Variants in WFDC8 observed in about 807,000 individuals in gnomAD.
WFDC8 encodes the protein WAP four-disulfide core domain 8.
A neutral mutation model predicts 27.0 loss-of-function variants in WFDC8; 24 were observed. The observed-to-expected ratio is 0.89, with a 90% CI of 0.64 to 1.25. The LOEUF (loss-of-function observed/expected upper bound fraction) is 1.25. WFDC8 is among the 50% of genes most tolerant of loss of function. WFDC8 has a pLI of 0.00. For synonymous variants in WFDC8, 106 were observed against 99.7 expected (o/e 1.06, Z -0.38); for missense variants, 287 against 295.9 (o/e 0.97, Z 0.22).
rs1180137620 is a variant in WFDC8 at position 45,551,835 on chromosome 20, C to A, written c.*191G>T. ...ATACAAGAAGACAAGAAAATAAAGT[C>A]ATGAAGTTGAAAAAAAGCCAAATAT... On this transcript the variant is annotated 3_prime_UTR_variant, in exon 6 of 6. Transcript: ENST00000289953. 1.0e-5 allele frequency: 6 copies of A among 587,240 alleles called. No homozygotes were observed. The highest frequency in any genetic ancestry group is 1.7e-5 in the Non-Finnish European group (6 of 349,464). 36.4% of individuals were successfully genotyped at this position (587,240 alleles called of 1,614,324 possible).
intron 4 of WFDC8, among the ~76,000 whole-genome samples, chr20:45,554,922 G>A (rs981140851): frequency 6.6e-6 from 1 of 152,200 alleles, no homozygotes; most frequent in African/African-American, 2.4e-5. Context: ...AGAATCTGAG[G>A]TCGAAATTGC....
In WFDC8 at chr20:45,551,988, A is replaced by G; in HGVS notation, c.*38T>C. 1.1e-5 allele frequency: 17 copies of G among 1,608,868 alleles called. No individual in the cohort carries two copies. Among genetic ancestry groups the G allele is most frequent in the Non-Finnish European group, 1.4e-5 (17 of 1,176,872 alleles). Reference sequence around the variant, plus strand: ...GACAGCTCTTTATCATGCTACTCATAATTAATGATTTTGATGATAATATTT... The same window carrying G: ...GACAGCTCTTTATCATGCTACTCATGATTAATGATTTTGATGATAATATTT... On this transcript the variant is annotated 3_prime_UTR_variant, in exon 6 of 6. Coordinates refer to ENST00000289953, the MANE Select transcript of WFDC8 (RefSeq NM_130896.3).
At chr20:45,561,340 C>T (rs921856987) in intron 2 of WFDC8, among the ~76,000 whole-genome samples, 2 of 152,164 alleles carry the variant, frequency 1.3e-5, no homozygotes, top group African/African-American at 2.4e-5. Flanking sequence ...ACTTTTATTT[C>T]GACCTGCCTG....
intron 1 of WFDC8, among the ~76,000 whole-genome samples, chr20:45,574,182 T>C (rs1467009749): frequency 2.0e-5 from 3 of 152,144 alleles, no homozygotes; most frequent in Admixed American, 1.3e-4. Flanking sequence ...AAAAACTAAA[T>C]AGATCAACAA....
In WFDC8 at chr20:45,555,840, TCCATG is replaced by T. The variant is rs1451140628; in HGVS notation, c.301_305del (p.His101LysfsTer3). On this transcript the variant is annotated frameshift_variant, in exon 4 of 6. Coordinates refer to ENST00000289953, the MANE Select transcript of WFDC8 (RefSeq NM_130896.3). LOFTEE classifies it high-confidence loss of function. ...AGCGCTGTGCCTCATGATTACAGTT[TCCATG>T]CCTCACAGGTAGCATGCAGGGTTCT... is the stretch of plus-strand genomic sequence containing the variant. 6.2e-7 allele frequency: 1 copy of T among 1,613,864 alleles called. No individual in the cohort carries two copies. The highest frequency in any genetic ancestry group is 1.3e-5 in the African/African-American group (1 of 74,886).
In WFDC8 at chr20:45,562,090, T is replaced by A; in HGVS notation, c.136+20A>T. The A allele has an allele frequency of 1.2e-6, 2 of 1,607,982 alleles. No individual in the cohort carries two copies. The highest frequency in any genetic ancestry group is 1.7e-6 in the Non-Finnish European group (2 of 1,174,604). On this transcript the variant is annotated intron_variant, in intron 2 of 5. Transcript: ENST00000289953. Reference sequence around the variant, plus strand: ...ATAATGCTTTCTAAGGAAGAATGGCTGCAGCTTTTTTGAACTCACGTTTGA... The same window carrying A: ...ATAATGCTTTCTAAGGAAGAATGGCAGCAGCTTTTTTGAACTCACGTTTGA...
At chr20:45,566,681 A>C (rs1365179588) in intron 1 of WFDC8, among the ~76,000 whole-genome samples, 1 of 152,196 alleles carries the variant, frequency 6.6e-6, no homozygotes, top group Non-Finnish European at 1.5e-5. Flanking sequence ...AAAACAAAAA[A>C]TAATAAAATA....
intron 1 of WFDC8, among the ~76,000 whole-genome samples, chr20:45,564,719 G>A (rs1980590751): frequency 1.3e-5 from 2 of 151,252 alleles, no homozygotes; most frequent in South Asian, 4.2e-4. Flanking sequence ...GCGCACACCT[G>A]TGGTTCTAGC....
intron 1 of WFDC8, among the ~76,000 whole-genome samples, chr20:45,564,608 A>C (rs903570569): frequency 6.6e-6 from 1 of 150,708 alleles, no homozygotes. Flanking sequence ...CGGGAGGCAG[A>C]GCTTTCAGTG....
intron 1 of WFDC8, among the ~76,000 whole-genome samples, chr20:45,572,821 G>T (rs975563190): frequency 1.3e-5 from 2 of 152,174 alleles, no homozygotes; most frequent in Non-Finnish European, 1.5e-5. Context: ...TGGCCAGGCT[G>T]GTCTTGAACT....
At chr20:45,562,042 C>T in intron 2 of WFDC8, 68 bp downstream of exon 2, 1 of 1,452,182 alleles carries the variant, frequency 6.9e-7, no homozygotes, top group Non-Finnish European at 9.5e-7. Context: ...TGGCACTGGC[C>T]TCATGTCTAA....
intron 4 of WFDC8, among the ~76,000 whole-genome samples, chr20:45,553,937 A>C (rs1242545855): frequency 6.6e-6 from 1 of 152,168 alleles, no homozygotes; most frequent in East Asian, 1.9e-4. Flanking sequence ...AGAAGCATGG[A>C]TAGAACCGGT....
At chr20:45,572,101 T>C (rs1418010888) in intron 1 of WFDC8, among the ~76,000 whole-genome samples, 3 of 152,120 alleles carry the variant, frequency 2.0e-5, no homozygotes, top group Non-Finnish European at 4.4e-5. Flanking sequence ...ACCAACAGTG[T>C]TCAAGAATTC....
intron 3 of WFDC8, 47 bp downstream of exon 3, chr20:45,558,805 C>T: frequency 6.2e-7 from 1 of 1,609,674 alleles, no homozygotes; most frequent in Non-Finnish European, 8.5e-7. Flanking sequence ...CAGTTTTGGA[C>T]AGAGCAAGAA....
In WFDC8 at chr20:45,578,488, C is replaced by G. The variant is rs1003490027; in HGVS notation, c.26+734G>C. ...AGAAGCAGCCTCTATGTGGATTAGG[C>G]CCCTTCTCCTGGCAGAGAGAAAGCA... On this transcript the variant is annotated intron_variant, in intron 1 of 5. Transcript: ENST00000289953. Among the ~76,000 whole-genome samples, 5 of 151,312 alleles carry G rather than the reference C, an allele frequency of 3.3e-5. 1 individual carries two copies. Among genetic ancestry groups the G allele is most frequent in the African/African-American group, 1.2e-4 (5 of 41,342 alleles).
At chr20:45,568,690 C>A (rs6104230) in intron 1 of WFDC8, 2 of 531,954 alleles carry the variant, frequency 3.8e-6, no homozygotes, top group South Asian at 1.4e-5. Context: ...CCACAAAAGT[C>A]ACCACTGCCA....
chr20:45,557,481 G>A (rs978270190), intron 3 of WFDC8, among the ~76,000 whole-genome samples: 8 of 152,046 alleles, frequency 5.3e-5, no homozygotes, highest in South Asian at 2.1e-4. Flanking sequence ...CACCCAGGCC[G>A]CAGTGCAATG....
At position 45,552,130 on chromosome 20, in the gene WFDC8, A is replaced by G; in HGVS notation, c.622T>C (p.Cys208Arg). 1 of 1,614,156 alleles carries G rather than the reference A, an allele frequency of 6.2e-7. No individual in the cohort carries two copies. The highest frequency in any genetic ancestry group is 8.5e-7 in the Non-Finnish European group (1 of 1,179,968). The change falls in exon 6 of 6, where the codon TGT (cysteine) becomes CGT (arginine). Residue 208 changes from cysteine to arginine, a missense_variant. By Grantham distance (180) the Cys-to-Arg change is radical (BLOSUM62 -3). Transcript: ENST00000289953. Reference sequence around the variant, plus strand: ...CACTTGGGTTTATCAATCTTGGTACATAGCAAGGGCTTGCGTGGGCAGAAA... The same window carrying G: ...CACTTGGGTTTATCAATCTTGGTACGTAGCAAGGGCTTGCGTGGGCAGAAA... ...KGFCPRKPLL[C>R]TKIDKPKCLQ...
At chr20:45,564,185 G>T (rs1186297789) in intron 1 of WFDC8, among the ~76,000 whole-genome samples, 6 of 152,144 alleles carry the variant, frequency 3.9e-5, no homozygotes, top group Non-Finnish European at 2.9e-5. Context: ...TGCTCAGTGG[G>T]GGCTCTGAAG....
Sources: allele counts gnomAD v4.1 joint callset (sites outside exome capture counted in the v4.1 genomes callset), GRCh38; gene constraint gnomAD v4.1.1; transcripts MANE v1.5; gene names NCBI Gene and HGNC (gene_info 2026-07-23, HGNC 2026-07-21).